FEM1B: variants seen among roughly 807,000 people sequenced by gnomAD.
FEM1B encodes protein fem-1 homolog B.
Under a neutral mutation model 38.6 loss-of-function variants are expected in FEM1B, and 10 were observed. The observed-to-expected ratio is 0.26, with a 90% confidence interval of 0.16 to 0.44. The LOEUF is 0.44. Ranked by LOEUF, FEM1B falls within the 20% of genes least tolerant of loss-of-function variation. The pLI is 1.00. For synonymous variants in FEM1B, 288 were observed against 288.0 expected, an observed-to-expected ratio of 1.00 and a Z score of 0.00; for missense variants, 471 against 786.7, an observed-to-expected ratio of 0.60 and a Z score of 4.80.
In FEM1B at chr15:68,280,852, A is replaced by T. The variant is rs1254483049; in HGVS notation, c.248+2187A>T. ...AGCTTATGGATTATTACAATTATGA[A>T]TTTATTAGCTGCTATGTAAAAATAG... On this transcript the variant is annotated intron_variant, in intron 1 of 1. Coordinates refer to ENST00000306917, the MANE Select transcript of FEM1B (RefSeq NM_015322.5). This position sits in a 1 kb window ranked among gnomAD's most constrained non-coding sequence, Gnocchi z 4.2. Among the ~76,000 whole-genome samples the T allele has an allele frequency of 2.0e-5, 3 of 152,214 alleles. No homozygotes were observed. Among genetic ancestry groups the T allele is most frequent in the Admixed American group, 1.3e-4 (2 of 15,272 alleles).
rs959598189 is a variant in FEM1B, at chr15:68,284,622, A to G, written c.249-4985A>G. Among the ~76,000 whole-genome samples, 3 of 152,192 alleles carry G rather than the reference A, an allele frequency of 2.0e-5. No individual in the cohort carries two copies. The highest frequency in any genetic ancestry group is 7.2e-5 in the African/African-American group (3 of 41,442). Reference sequence around the variant, plus strand: ...ATCCATCTAGTCACTCTCTAGATCAATGTGTAGAACACTTTATCACTCTAA... The same window carrying G: ...ATCCATCTAGTCACTCTCTAGATCAGTGTGTAGAACACTTTATCACTCTAA... On this transcript the variant is annotated intron_variant, in intron 1 of 1. Transcript: ENST00000306917. The surrounding 1 kb of genome is among the most constrained non-coding windows in gnomAD (Gnocchi z 4.4).
chr15:68,286,609 G>GA (rs1430238842), intron 1 of FEM1B, among the ~76,000 whole-genome samples: 2 of 152,030 alleles, frequency 1.3e-5, no homozygotes, highest in African/African-American at 4.8e-5. Flanking sequence ...CATGAACATG[G>GA]AATATTTTCC....
chr15:68,288,076 C>T lies in FEM1B; in HGVS notation c.249-1531C>T, dbSNP rs1255444897. Among the ~76,000 whole-genome samples, 1 of 152,158 alleles carries T rather than the reference C, an allele frequency of 6.6e-6. No individual in the cohort carries two copies. The highest frequency in any genetic ancestry group is 1.5e-5 in the Non-Finnish European group (1 of 68,018). On this transcript the variant is annotated intron_variant, in intron 1 of 1. Transcript: ENST00000306917. This position sits in a 1 kb window ranked among gnomAD's most constrained non-coding sequence, Gnocchi z 4.6. ...AACTCCTGACCTCAAGTGATCTGCC[C>T]ACTTCAGCCTCCCAAAGTACTGAGA... is the stretch of plus-strand genomic sequence containing the variant.
chr15:68,286,415 T>G (rs1316267404), intron 1 of FEM1B, among the ~76,000 whole-genome samples: 1 of 152,142 alleles, frequency 6.6e-6, no homozygotes, highest in Non-Finnish European at 1.5e-5. Context: ...CTCGCACTGT[T>G]GCTCAGGCAA....
At position 68,289,990 on chromosome 15, in the gene FEM1B, C is replaced by G. The variant is rs1236355107; in HGVS notation, c.632C>G (p.Ala211Gly). 2 of 1,614,080 alleles carry G rather than the reference C, an allele frequency of 1.2e-6. No homozygotes were observed. Among genetic ancestry groups the G allele is most frequent in the Non-Finnish European group, 1.7e-6 (2 of 1,180,042 alleles). Residue 211 changes from alanine to glycine, a missense_variant, in exon 2 of 2, where the codon GCT becomes GGT. Transcript: ENST00000306917. The surrounding 1 kb of genome is among the most constrained non-coding windows in gnomAD (Gnocchi z 6.9). ...GTGAAAGAGCTGATAAAATGGCGTG[C>G]TGCTATAGTAGTGAATGGCCATGGG... ...DIVKELIKWR[A>G]AIVVNGHGMT...
rs1482025768 is a variant in FEM1B, at chr15:68,278,238, GCCT to G, written c.-175_-173del. On this transcript the variant is annotated 5_prime_UTR_variant, in exon 1 of 2. Transcript: ENST00000306917. This position sits in a 1 kb window ranked among gnomAD's most constrained non-coding sequence, Gnocchi z 5.7. ...GCGGACGTGCCCTTCGCGGCACTCG[GCCT>G]CCTCTGCGTCTCCGCCTTCCCTGGG... is the stretch of plus-strand genomic sequence containing the variant. 1.2e-6 allele frequency: 1 copy of G among 812,428 alleles called. No individual in the cohort carries two copies. The highest frequency in any genetic ancestry group is 1.8e-6 in the Non-Finnish European group (1 of 540,912). The allele number at this position is 812,428 out of a possible 1,614,324, so 50.3% of individuals were successfully genotyped here. A position where few individuals can be genotyped will look rare whatever the true frequency, so the allele number is the denominator to read the frequency against.
In FEM1B at chr15:68,289,627, C is replaced by T; in HGVS notation, c.269C>T (p.Thr90Ile). ...RFDGYVIDGATALWCAAGAGH... is the reference protein window; with the variant it reads ...RFDGYVIDGAIALWCAAGAGH... Reference sequence around the variant, plus strand: ...TGTAGGTATGTCATTGATGGTGCCACTGCTCTTTGGTGTGCAGCTGGAGCA... The same window carrying T: ...TGTAGGTATGTCATTGATGGTGCCATTGCTCTTTGGTGTGCAGCTGGAGCA... The change falls in exon 2 of 2, where the codon ACT becomes ATT. Residue 90 changes from threonine to isoleucine, a missense_variant. Transcript: ENST00000306917. The surrounding 1 kb of genome is among the most constrained non-coding windows in gnomAD (Gnocchi z 6.9). The T allele has an allele frequency of 6.2e-7, 1 of 1,614,014 alleles. No individual in the cohort carries two copies. The highest frequency in any genetic ancestry group is 8.5e-7 in the Non-Finnish European group (1 of 1,179,922).
rs1056868555 is a variant in FEM1B at position 68,292,181 on chromosome 15, T to C, written c.*939T>C. ...CATTATTTATGCCTCCCTAATAAGG[T>C]ATTTTACTTATGACAGATGAAAAGG... On this transcript the variant is annotated 3_prime_UTR_variant, in exon 2 of 2. Coordinates refer to ENST00000306917, the MANE Select transcript of FEM1B (RefSeq NM_015322.5). The C allele has an allele frequency of 4.1e-4, 62 of 152,196 alleles. No individual in the cohort carries two copies. The highest frequency in any genetic ancestry group is 1.4e-3 in the African/African-American group (60 of 41,450). The allele number at this position is 152,196 out of a possible 1,614,324, so 9.4% of individuals were successfully genotyped here.
In FEM1B at chr15:68,293,514, A is replaced by G. The variant is rs1892869263; in HGVS notation, c.*2272A>G. On this transcript the variant is annotated 3_prime_UTR_variant, in exon 2 of 2. Coordinates refer to ENST00000306917, the MANE Select transcript of FEM1B (RefSeq NM_015322.5). This position sits in a 1 kb window ranked among gnomAD's most constrained non-coding sequence, Gnocchi z 5.8. ...AAGGGAAGACAATGCTGAAGAAAGT[A>G]AAACTGTTGATTGAAATGCTGACAG... 1 of 152,212 alleles carries G rather than the reference A, an allele frequency of 6.6e-6. No individual in the cohort carries two copies. The highest frequency in any genetic ancestry group is 1.5e-5 in the Non-Finnish European group (1 of 68,010). 9.4% of individuals were successfully genotyped at this position (152,212 alleles called of 1,614,324 possible).
Position 68,278,235 on chromosome 15 carries a change from T to G in FEM1B, c.-183T>G. 1.3e-6 allele frequency: 1 copy of G among 798,592 alleles called. No individual in the cohort carries two copies. Among genetic ancestry groups the G allele is most frequent in the Non-Finnish European group, 1.9e-6 (1 of 529,334 alleles). The allele number at this position is 798,592 out of a possible 1,614,324, so 49.5% of individuals were successfully genotyped here. A position where few individuals can be genotyped will look rare whatever the true frequency, so the allele number is the denominator to read the frequency against. Reference sequence around the variant, plus strand: ...GTCGCGGACGTGCCCTTCGCGGCACTCGGCCTCCTCTGCGTCTCCGCCTTC... The same window carrying G: ...GTCGCGGACGTGCCCTTCGCGGCACGCGGCCTCCTCTGCGTCTCCGCCTTC... On this transcript the variant is annotated 5_prime_UTR_variant, in exon 1 of 2. Transcript: ENST00000306917. This position sits in a 1 kb window ranked among gnomAD's most constrained non-coding sequence, Gnocchi z 5.7.
rs1247808661 is a variant in FEM1B, at chr15:68,289,862, T to C, written c.504T>C (p.Asp168=). 1 of 1,614,002 alleles carries C rather than the reference T, an allele frequency of 6.2e-7. No homozygotes were observed. The highest frequency in any genetic ancestry group is 8.5e-7 in the Non-Finnish European group (1 of 1,179,922). Reference sequence around the variant, plus strand: ...TTGCGGCATATAAGGGACACACTGATGTGGTCAGATACCTTTTAGAACAAC... The same window carrying C: ...TTGCGGCATATAAGGGACACACTGACGTGGTCAGATACCTTTTAGAACAAC... ...LMIAAYKGHT[D]VVRYLLEQRA... Residue 168 remains aspartate (D), a synonymous_variant, in exon 2 of 2, where the codon GAT becomes GAC. Transcript: ENST00000306917. The surrounding 1 kb of genome is among the most constrained non-coding windows in gnomAD (Gnocchi z 6.9).
chr15:68,289,625 C>T lies in FEM1B; in HGVS notation c.267C>T (p.Ala89=). The change falls in exon 2 of 2, where the codon GCC becomes GCT. Residue 89 remains alanine (A), a synonymous_variant. Coordinates refer to ENST00000306917, the MANE Select transcript of FEM1B (RefSeq NM_015322.5). The surrounding 1 kb of genome is among the most constrained non-coding windows in gnomAD (Gnocchi z 6.9). The part of the protein sequence containing the change: ...VRFDGYVIDG[A]TALWCAAGAG... ...TGTGTAGGTATGTCATTGATGGTGC[C>T]ACTGCTCTTTGGTGTGCAGCTGGAG... is the stretch of plus-strand genomic sequence containing the variant. The T allele has an allele frequency of 6.2e-7, 1 of 1,613,716 alleles. No homozygotes were observed. The highest frequency in any genetic ancestry group is 8.5e-7 in the Non-Finnish European group (1 of 1,179,798).
rs1055381267 is a variant in FEM1B, at chr15:68,292,560, A to G, written c.*1318A>G. On this transcript the variant is annotated 3_prime_UTR_variant, in exon 2 of 2. Transcript: ENST00000306917. Reference sequence around the variant, plus strand: ...TGATAATGAAAGCAAAATTAGCTGTATCTGTAATTTTCTCTCTAGTGCCAA... The same window carrying G: ...TGATAATGAAAGCAAAATTAGCTGTGTCTGTAATTTTCTCTCTAGTGCCAA... The G allele has an allele frequency of 1.3e-5, 2 of 151,992 alleles. No individual in the cohort carries two copies. The highest frequency in any genetic ancestry group is 2.9e-5 in the Non-Finnish European group (2 of 67,966). The allele number at this position is 151,992 out of a possible 1,614,324, so 9.4% of individuals were successfully genotyped here.
rs1892888015 is a variant in FEM1B at position 68,294,952 on chromosome 15, A to G, written c.*3710A>G. 2 of 152,210 alleles carry G rather than the reference A, an allele frequency of 1.3e-5. No individual in the cohort carries two copies. The highest frequency in any genetic ancestry group is 2.9e-5 in the Non-Finnish European group (2 of 68,028). The allele number at this position is 152,210 out of a possible 1,614,324, so 9.4% of individuals were successfully genotyped here. A position where few individuals can be genotyped will look rare whatever the true frequency, so the allele number is the denominator to read the frequency against. ...TCTGGATGTCATCTCTTGAAAGTAG[A>G]AAACTCCTATGTGTTTATCACATTG... is the stretch of plus-strand genomic sequence containing the variant. On this transcript the variant is annotated 3_prime_UTR_variant, in exon 2 of 2. Coordinates refer to ENST00000306917, the MANE Select transcript of FEM1B (RefSeq NM_015322.5). This position sits in a 1 kb window ranked among gnomAD's most constrained non-coding sequence, Gnocchi z 4.4.
intron 1 of FEM1B, among the ~76,000 whole-genome samples, chr15:68,287,269 G>A (rs1246581118): frequency 6.6e-6 from 1 of 152,158 alleles, no homozygotes; most frequent in East Asian, 1.9e-4. Flanking sequence ...ATTTTAGGAG[G>A]CTTCTGATCT....
rs532571603 is a variant in FEM1B at position 68,289,797 on chromosome 15, A to G, written c.439A>G (p.Ile147Val). ...VKYLVENNAN[I>V]SIANKYDNTC... The stretch of plus-strand genomic sequence containing the variant: ...ATACTTGGTTGAAAATAATGCCAAC[A>G]TCAGCATTGCCAACAAATATGACAA... Residue 147 changes from isoleucine to valine, a missense_variant, in exon 2 of 2, where the codon ATC becomes GTC. Transcript: ENST00000306917. The surrounding 1 kb of genome is among the most constrained non-coding windows in gnomAD (Gnocchi z 6.9). 4.5e-5 allele frequency: 72 copies of G among 1,614,212 alleles called. No individual in the cohort carries two copies. In the South Asian group the frequency reaches 6.9e-4, roughly 16 times the overall value.
rs1240359232 is a variant in FEM1B at position 68,295,742 on chromosome 15, TAG to T, written c.*4503_*4504del. On this transcript the variant is annotated 3_prime_UTR_variant, in exon 2 of 2. Coordinates refer to ENST00000306917, the MANE Select transcript of FEM1B (RefSeq NM_015322.5). ...ACATTTTCTATTTGAGTTTGACATG[TAG>T]AGTCATTTTTAGTTTCATGGCAATT... 2.0e-5 allele frequency: 3 copies of T among 152,230 alleles called. No homozygotes were observed. The highest frequency in any genetic ancestry group is 7.2e-5 in the African/African-American group (3 of 41,448). The allele number at this position is 152,230 out of a possible 1,614,324, so 9.4% of individuals were successfully genotyped here. A position where few individuals can be genotyped will look rare whatever the true frequency, so the allele number is the denominator to read the frequency against.
In FEM1B at chr15:68,281,309, G is replaced by A. The variant is rs72741151; in HGVS notation, c.248+2644G>A. On this transcript the variant is annotated intron_variant, in intron 1 of 1. Coordinates refer to ENST00000306917, the MANE Select transcript of FEM1B (RefSeq NM_015322.5). The surrounding 1 kb of genome is among the most constrained non-coding windows in gnomAD (Gnocchi z 5.1). ...TCACGTGCTAGCTTCATAATTTTTGGCCAAATTGTTCACTAACCTGCTGTT... is the reference window on the plus strand; with the variant it reads ...TCACGTGCTAGCTTCATAATTTTTGACCAAATTGTTCACTAACCTGCTGTT... Among the ~76,000 whole-genome samples the A allele has an allele frequency of 1.5e-3, 226 of 152,114 alleles. No individual in the cohort carries two copies. The highest frequency in any genetic ancestry group is 2.5e-3 in the Non-Finnish European group (173 of 67,972).
chr15:68,278,688 T>C lies in FEM1B; in HGVS notation c.248+23T>C. On this transcript the variant is annotated intron_variant, in intron 1 of 1. Coordinates refer to ENST00000306917, the MANE Select transcript of FEM1B (RefSeq NM_015322.5). This position sits in a 1 kb window ranked among gnomAD's most constrained non-coding sequence, Gnocchi z 5.7. ...CGGGTAGGTACATCCCAAGCCAGCCTCTCTCCGACGCGCGCGGACTCGTTA... is the reference window on the plus strand; with the variant it reads ...CGGGTAGGTACATCCCAAGCCAGCCCCTCTCCGACGCGCGCGGACTCGTTA... 1.2e-6 allele frequency: 2 copies of C among 1,610,846 alleles called. No homozygotes were observed. The highest frequency in any genetic ancestry group is 8.5e-7 in the Non-Finnish European group (1 of 1,177,368).
Sources: allele counts gnomAD v4.1 joint callset (sites outside exome capture counted in the v4.1 genomes callset), GRCh38; gene constraint gnomAD v4.1.1; non-coding constraint Gnocchi (gnomAD v3.1); transcripts MANE v1.5; gene names NCBI Gene and HGNC (gene_info 2026-07-23, HGNC 2026-07-21).